RC3H1: variants seen among roughly 807,000 people sequenced by gnomAD.
RC3H1 encodes the protein ring finger and CCCH-type domains 1.
Under a neutral mutation model 138.2 loss-of-function variants are expected in RC3H1, and 50 were observed. The ratio of observed to expected loss-of-function variants is 0.36; its 90% CI spans 0.29 to 0.46. The LOEUF (loss-of-function observed/expected upper bound fraction) is 0.46. Among genes scored for constraint, RC3H1 ranks in the 20% least tolerant of loss-of-function variants. The pLI is 1.00. For missense variants in RC3H1, 1,031 were observed against 1,388.1 expected (o/e 0.74, Z 4.09); for synonymous variants, 462 against 489.1 (o/e 0.94, Z 0.73).
At chr1:173,990,375 G>A (rs894348896) in intron 2 of RC3H1, among the ~76,000 whole-genome samples, 6 of 151,118 alleles carry the variant, frequency 4.0e-5, no homozygotes, top group Admixed American at 6.6e-5. Context: ...CACTGCACCC[G>A]GTCTAATTTT....
At position 174,022,043 on chromosome 1, in the gene RC3H1, G is replaced by C. The variant is rs927742202; in HGVS notation, c.-151+53C>G. ...ACAGCTGCCTATTGTTCCCGACTGA[G>C]GCCCCGGCCGCGGCAGCCCCGCTCC... On this transcript the variant is annotated intron_variant, in intron 1 of 19. Coordinates refer to ENST00000367696, the MANE Select transcript of RC3H1 (RefSeq NM_172071.4). This position sits in a 1 kb window ranked among gnomAD's most constrained non-coding sequence, Gnocchi z 4.2. The C allele has an allele frequency of 2.5e-6, 1 of 393,902 alleles. No homozygotes were observed. Among genetic ancestry groups the C allele is most frequent in the Non-Finnish European group, 4.5e-6 (1 of 223,594 alleles). 24.4% of individuals were successfully genotyped at this position (393,902 alleles called of 1,614,324 possible).
At position 173,983,642 on chromosome 1, in the gene RC3H1, C is replaced by G; in HGVS notation, c.368G>C (p.Ser123Thr). The G allele has an allele frequency of 6.2e-7, 1 of 1,614,130 alleles. No individual in the cohort carries two copies. Among genetic ancestry groups the G allele is most frequent in the Non-Finnish European group, 8.5e-7 (1 of 1,180,002 alleles). The change falls in exon 4 of 20, where the codon AGC becomes ACC. Residue 123 changes from serine (S) to threonine (T), a missense_variant. Around this residue, in one of 7 missense-constraint regions of RC3H1, gnomAD observed 80 missense variants for 81.1 expected, o/e 0.99. Coordinates refer to ENST00000367696, the MANE Select transcript of RC3H1 (RefSeq NM_172071.4). ...LSSARGVGLN[S>T]TTQSVLSRPM... ...GCGACTCAGAACACTCTGAGTAGTG[C>G]TGTTCAGACCCACTCCTTTAAAAGA...
chr1:174,015,236 G>T lies in RC3H1; in HGVS notation c.-151+6860C>A, dbSNP rs116588779. On this transcript the variant is annotated intron_variant, in intron 1 of 19. Coordinates refer to ENST00000367696, the MANE Select transcript of RC3H1 (RefSeq NM_172071.4). Reference sequence around the variant, plus strand: ...GATGATTTAGTTCATTAATTTTTCTGATAATTATAGGCCTTTTTTTTTTTT... The same window carrying T: ...GATGATTTAGTTCATTAATTTTTCTTATAATTATAGGCCTTTTTTTTTTTT... 3.9e-3 allele frequency among the ~76,000 whole-genome samples: 568 copies of T among 147,062 alleles called. 4 individuals carry two copies. The highest frequency in any genetic ancestry group is 0.014 in the African/African-American group (554 of 39,544).
chr1:173,993,415 T>C (rs1383275779), intron 1 of RC3H1, among the ~76,000 whole-genome samples: 2 of 148,388 alleles, frequency 1.3e-5, no homozygotes. Context: ...TCTAAGTCTT[T>C]TTTTTTTTTT....
chr1:173,936,742 TA>T lies in RC3H1; in HGVS notation c.*1978del. The T allele has an allele frequency of 2.4e-5, 1 of 41,082 alleles. No individual in the cohort carries two copies. The highest frequency in any genetic ancestry group is 9.4e-4 in the East Asian group (1 of 1,066). 2.5% of individuals were successfully genotyped at this position (41,082 alleles called of 1,614,324 possible). A position where few individuals can be genotyped will look rare whatever the true frequency, so the allele number is the denominator to read the frequency against. On this transcript the variant is annotated 3_prime_UTR_variant, in exon 20 of 20. Coordinates refer to ENST00000367696, the MANE Select transcript of RC3H1 (RefSeq NM_172071.4). ...AAGAAAAAGCATACATATATATATATATATATATATATATATATATTTTTTT... is the reference window on the plus strand; with the variant it reads ...AAGAAAAAGCATACATATATATATATTATATATATATATATATATTTTTTT...
chr1:173,978,662 T>C (rs1557939710), intron 6 of RC3H1, 42 bp from the exon 7 acceptor site: 3 of 1,556,390 alleles, frequency 1.9e-6, no homozygotes, highest in Non-Finnish European at 1.7e-6. Context: ...GGTCAGATAA[T>C]CCTTTAAATA....
chr1:173,947,588 A>C lies in RC3H1; in HGVS notation c.2524-6T>G, dbSNP rs1255234393. 2 of 1,610,926 alleles carry C rather than the reference A, an allele frequency of 1.2e-6. No individual in the cohort carries two copies. The highest frequency in any genetic ancestry group is 4.5e-5 in the East Asian group (2 of 44,882). Reference sequence around the variant, plus strand: ...ATTCCTTTACTCTCCACATTCTGATAAAAAAGCAAAATGAGAAATTACCCC... The same window carrying C: ...ATTCCTTTACTCTCCACATTCTGATCAAAAAGCAAAATGAGAAATTACCCC... On this transcript the variant is annotated splice_region_variant and splice_polypyrimidine_tract_variant and intron_variant, in intron 14 of 19. Coordinates refer to ENST00000367696, the MANE Select transcript of RC3H1 (RefSeq NM_172071.4).
chr1:173,960,681 C>G (rs1397741585), intron 13 of RC3H1, among the ~76,000 whole-genome samples: 1 of 152,114 alleles, frequency 6.6e-6, no homozygotes, highest in Non-Finnish European at 1.5e-5. Context: ...GAAAATATAA[C>G]CACCACATAT....
intron 1 of RC3H1, among the ~76,000 whole-genome samples, chr1:173,997,315 T>A (rs1035015153): frequency 1.3e-5 from 2 of 152,126 alleles, no homozygotes; most frequent in African/African-American, 4.8e-5. Flanking sequence ...TAAGTACAAA[T>A]AAATTGAAAG....
At chr1:173,962,242 G>T (rs2102933351) in intron 11 of RC3H1, 147 bp from the exon 12 acceptor site, 1 of 835,004 alleles carries the variant, frequency 1.2e-6, no homozygotes, top group South Asian at 2.2e-5. Context: ...ATATAATCAG[G>T]TTAGCTTTTT....
At chr1:174,005,563 T>G (rs911577433) in intron 1 of RC3H1, among the ~76,000 whole-genome samples, 5 of 152,170 alleles carry the variant, frequency 3.3e-5, no homozygotes, top group African/African-American at 1.2e-4. Context: ...TTATCTTTTT[T>G]TAGGCTCTAA....
chr1:173,942,225 G>A (rs1009608631), intron 18 of RC3H1, among the ~76,000 whole-genome samples: 5 of 148,890 alleles, frequency 3.4e-5, no homozygotes, highest in Admixed American at 2.0e-4. Flanking sequence ...CTGGGCAATA[G>A]TGCGAGACTC....
chr1:173,990,060 T>A (rs1330819139), intron 2 of RC3H1, among the ~76,000 whole-genome samples: 2 of 151,662 alleles, frequency 1.3e-5, no homozygotes, highest in Non-Finnish European at 2.9e-5. Context: ...AACAACGATT[T>A]GTAGTCTTCA....
At chr1:173,951,909 T>A (rs1378583667) in intron 14 of RC3H1, 77 bp downstream of exon 14, 24 of 1,358,640 alleles carry the variant, frequency 1.8e-5, no homozygotes, top group Admixed American at 9.5e-5. Context: ...GAATTATTTG[T>A]GCCTAAATGG....
chr1:173,998,910 A>G (rs1397698754), intron 1 of RC3H1, among the ~76,000 whole-genome samples: 3 of 151,910 alleles, frequency 2.0e-5, no homozygotes, highest in Non-Finnish European at 4.4e-5. Flanking sequence ...CTGGCCAAAA[A>G]GGCAAGACCT....
At chr1:173,953,009 G>T (rs1400804003) in intron 13 of RC3H1, among the ~76,000 whole-genome samples, 1 of 151,868 alleles carries the variant, frequency 6.6e-6, no homozygotes, top group Non-Finnish European at 1.5e-5. Context: ...ATTTGTATTG[G>T]TTCATTTAAG....
chr1:173,990,810 G>A (rs1003275295), intron 2 of RC3H1, among the ~76,000 whole-genome samples: 3 of 151,802 alleles, frequency 2.0e-5, no homozygotes, highest in South Asian at 2.1e-4. Context: ...CACTGTGTTA[G>A]CCGGGATGGT....
intron 1 of RC3H1, among the ~76,000 whole-genome samples, chr1:173,993,412 CTT>C (rs35670849): frequency 3.6e-4 from 51 of 143,466 alleles, no homozygotes; most frequent in African/African-American, 8.2e-4. Context: ...TTATCTAAGT[CTT>C]TTTTTTTTTT....
chr1:173,945,464 C>T (rs1557919580), intron 17 of RC3H1, among the ~76,000 whole-genome samples: 1 of 152,038 alleles, frequency 6.6e-6, no homozygotes, highest in Non-Finnish European at 1.5e-5. Context: ...TTCTAAGTGT[C>T]AGGCAGCATG....
Sources: gnomAD v4.1 joint callset for allele counts (sites outside exome capture counted in the v4.1 genomes callset) on GRCh38, gnomAD v4.1.1 for gene constraint, gnomAD v4.1.1 regional missense constraint, Gnocchi (gnomAD v3.1) non-coding constraint, MANE v1.5 for transcripts, NCBI Gene and HGNC (gene_info 2026-07-23, HGNC 2026-07-21) for gene names.